Variants in NCBP1 observed in about 807,000 individuals in gnomAD.
NCBP1 encodes nuclear cap binding protein subunit 1.
NCBP1 carries 16 observed loss-of-function variants against 111.7 expected under a neutral mutation model. The observed-to-expected ratio is 0.14, with a 90% CI of 0.10 to 0.22. The LOEUF (loss-of-function observed/expected upper bound fraction) is 0.22, where lower values mean the gene tolerates loss of function less well. Ranked by LOEUF, NCBP1 falls within the 10% of genes least tolerant of loss-of-function variation. The pLI, the probability that NCBP1 is intolerant of heterozygous loss-of-function variation, is 1.00. For synonymous variants in NCBP1, 304 were observed against 314.3 expected (o/e 0.97, Z 0.35); for missense variants, 607 against 957.5 (o/e 0.63, Z 4.83).
rs1467106921 is a variant in NCBP1 at position 97,645,203 on chromosome 9, T to C, written c.468T>C (p.Thr156=). The C allele has an allele frequency of 6.2e-7, 1 of 1,612,950 alleles. No homozygotes were observed. Among genetic ancestry groups the C allele is most frequent in the Non-Finnish European group, 8.5e-7 (1 of 1,179,104 alleles). The change falls in exon 5 of 23, where the codon ACT becomes ACC. Residue 156 remains threonine (T), a synonymous_variant. Coordinates refer to ENST00000375147, the MANE Select transcript of NCBP1 (RefSeq NM_002486.5). ...VAMFENFVSV[T]QEEDVPQVRR... is the part of the protein sequence containing the mutation. ...TGTTTGAAAATTTTGTAAGCGTAAC[T>C]CAGGAAGAAGATGTACCTCAGGTAA... is the stretch of plus-strand genomic sequence containing the variant.
At position 97,648,438 on chromosome 9, in the gene NCBP1, G is replaced by A. The variant is rs544442004; in HGVS notation, c.897+215G>A. Among the ~76,000 whole-genome samples, 10 of 152,308 alleles carry A rather than the reference G, an allele frequency of 6.6e-5. No individual in the cohort carries two copies. In the South Asian group the frequency reaches 1.9e-3, roughly 28 times the overall value. The stretch of plus-strand genomic sequence containing the variant: ...GCATGTGTAAATAGATTACAGAGAC[G>A]TGCACAGTTTGCAGGCTAAGAGTGT... On this transcript the variant is annotated intron_variant, in intron 8 of 22. Transcript: ENST00000375147.
chr9:97,640,351 A>G (rs1180984598), intron 1 of NCBP1, among the ~76,000 whole-genome samples: 4 of 152,152 alleles, frequency 2.6e-5, no homozygotes, highest in East Asian at 1.9e-4. Context: ...TGTCATTTAC[A>G]TAATACATTA....
Position 97,662,952 on chromosome 9 carries a change from AG to A in NCBP1, c.1704del. 6.2e-7 allele frequency: 1 copy of A among 1,602,774 alleles called. No individual in the cohort carries two copies. On this transcript the variant is annotated splice_acceptor_variant, in intron 17 of 22. Transcript: ENST00000375147. LOFTEE classifies it high-confidence loss of function. ...GTATTTTTTTCCCATCATTATCAAA[AG>A]GTTTCATGAAGTCTTCAAAACCCTA...
intron 3 of NCBP1, among the ~76,000 whole-genome samples, chr9:97,641,927 T>A (rs1182545851): frequency 6.6e-6 from 1 of 152,120 alleles, no homozygotes; most frequent in Non-Finnish European, 1.5e-5. Context: ...AGATACTGTC[T>A]CATTCAGATA....
chr9:97,653,916 T>C lies in NCBP1; in HGVS notation c.1170+8T>C. On this transcript the variant is annotated splice_region_variant and intron_variant, in intron 11 of 22. Coordinates refer to ENST00000375147, the MANE Select transcript of NCBP1 (RefSeq NM_002486.5). ...GGCTCTCTACCCCAAGTTGTATCCT[T>C]TTCTTTATTTTTAAACTTAATCTCT... 2.5e-6 allele frequency: 4 copies of C among 1,587,822 alleles called. No homozygotes were observed. The highest frequency in any genetic ancestry group is 1.1e-5 in the South Asian group (1 of 89,344).
chr9:97,642,808 C>G (rs1827239187), intron 3 of NCBP1, among the ~76,000 whole-genome samples: 1 of 152,048 alleles, frequency 6.6e-6, no homozygotes, highest in Non-Finnish European at 1.5e-5. Flanking sequence ...CACGCCCCCC[C>G]TTAATGATTC....
intron 18 of NCBP1, 130 bp downstream of exon 18, chr9:97,663,177 AT>A (rs1417484175): frequency 1.5e-5 from 10 of 675,798 alleles, no homozygotes; most frequent in African/African-American, 3.7e-5. Flanking sequence ...TTTAGATCTA[AT>A]TCTTTCAGTG....
intron 18 of NCBP1, 115 bp from the exon 19 acceptor site, chr9:97,664,225 C>G: frequency 1.6e-6 from 1 of 606,090 alleles, no homozygotes; most frequent in Non-Finnish European, 2.8e-6. Context: ...TCCATAGCCA[C>G]CAAAACTAAA....
At chr9:97,648,416 T>C (rs954141222) in intron 8 of NCBP1, among the ~76,000 whole-genome samples, 193 bp downstream of exon 8, 1 of 152,208 alleles carries the variant, frequency 6.6e-6, no homozygotes, top group Admixed American at 6.5e-5. Context: ...ATATTTGGCA[T>C]GTGTAAATAG....
rs201055450 is a variant in NCBP1 at position 97,643,341 on chromosome 9, A to G, written c.362A>G (p.Tyr121Cys). The change falls in exon 4 of 23, where the codon TAT becomes TGT. Residue 121 changes from tyrosine (Y) to cysteine (C), a missense_variant. By Grantham distance (194) the Tyr-to-Cys change is radical. Around this residue, in one of 9 missense-constraint regions of NCBP1, gnomAD observed 185 missense variants for 272.0 expected, o/e 0.68. Transcript: ENST00000375147. ...QLKESLKANN[Y>C]NEAVYLVRFL... ...AAAGAATCATTGAAAGCAAACAATT[A>G]TAATGAAGCCGTGTATTTGGTAAGT... 7 of 1,603,560 alleles carry G rather than the reference A, an allele frequency of 4.4e-6. No homozygotes were observed. The highest frequency in any genetic ancestry group is 5.9e-6 in the Non-Finnish European group (7 of 1,176,690).
intron 4 of NCBP1, 31 bp from the exon 5 acceptor site, chr9:97,645,086 G>T: frequency 6.7e-7 from 1 of 1,487,408 alleles, no homozygotes; most frequent in Non-Finnish European, 9.4e-7. Flanking sequence ...GAACATTTAG[G>T]TTTAATAGCA....
chr9:97,658,815 A>AGT (rs998031322), intron 15 of NCBP1, 72 bp downstream of exon 15: 1 of 1,222,480 alleles, frequency 8.2e-7, no homozygotes, highest in Non-Finnish European at 1.2e-6. Context: ...AGTTGTTTAA[A>AGT]GTGGAGAAAT....
intron 1 of NCBP1, among the ~76,000 whole-genome samples, chr9:97,636,671 TATAA>T (rs1196479466): frequency 8.3e-6 from 1 of 120,562 alleles, no homozygotes; most frequent in Non-Finnish European, 1.8e-5. Context: ...TATATATATA[TATAA>T]AATCATTTAT....
At chr9:97,655,890 C>T in intron 13 of NCBP1, 121 bp from the exon 14 acceptor site, 1 of 1,309,506 alleles carries the variant, frequency 7.6e-7, no homozygotes, top group Non-Finnish European at 1.1e-6. Context: ...CAAATAGTTA[C>T]AAGTGCAATT....
At chr9:97,642,739 A>G (rs903713696) in intron 3 of NCBP1, among the ~76,000 whole-genome samples, 15 of 152,102 alleles carry the variant, frequency 9.9e-5, no homozygotes, top group African/African-American at 3.6e-4. Flanking sequence ...AGTGTTTCTC[A>G]AAGTAGAATT....
chr9:97,643,208 C>T lies in NCBP1; in HGVS notation c.229C>T (p.Arg77Cys), dbSNP rs1016432056. ...TATACTGGGTTCTTAAATCAGTGCA[C>T]GCCTATTACCTGAGAAGCTGACAAT... ...KILRLLCTVA[R>C]LLPEKLTIYT... Residue 77 changes from arginine to cysteine, a missense_variant, in exon 4 of 23, where the codon CGC becomes TGC. Transcript: ENST00000375147. 10 of 1,602,846 alleles carry T rather than the reference C, an allele frequency of 6.2e-6. No homozygotes were observed. Among genetic ancestry groups the T allele is most frequent in the East Asian group, 2.3e-5 (1 of 44,388 alleles).
intron 1 of NCBP1, chr9:97,634,734 A>G (rs1826950641): frequency 6.6e-6 from 1 of 152,252 alleles, no homozygotes; most frequent in Non-Finnish European, 1.5e-5. Context: ...ACTTAGAGTA[A>G]TTCTATTGTT....
chr9:97,640,762 T>G, intron 1 of NCBP1, 32 bp from the exon 2 acceptor site: 1 of 1,519,134 alleles, frequency 6.6e-7, no homozygotes, highest in Non-Finnish European at 9.0e-7. Flanking sequence ...AGATTTATCA[T>G]GTAATGTTAA....
At chr9:97,646,445 G>C (rs1231600503) in intron 6 of NCBP1, among the ~76,000 whole-genome samples, 1 of 152,076 alleles carries the variant, frequency 6.6e-6, no homozygotes, top group Non-Finnish European at 1.5e-5. Flanking sequence ...TGATTTTGTT[G>C]TTAAGTTTCA....
Sources: allele counts gnomAD v4.1 joint callset (sites outside exome capture counted in the v4.1 genomes callset), GRCh38; gene constraint gnomAD v4.1.1; regional missense constraint gnomAD v4.1.1; transcripts MANE v1.5; gene names NCBI Gene and HGNC (gene_info 2026-07-23, HGNC 2026-07-21).